GRM8: variants seen among roughly 807,000 people sequenced by gnomAD.
GRM8 encodes the protein glutamate metabotropic receptor 8.
A neutral mutation model predicts 87.2 loss-of-function variants in GRM8; 47 were observed. That is an observed-to-expected ratio of 0.54 (90% confidence interval 0.43 to 0.69). The LOEUF (loss-of-function observed/expected upper bound fraction) is 0.69. Among genes scored for constraint, GRM8 ranks in the 30% least tolerant of loss-of-function variants. The pLI is 0.00. For missense variants in GRM8, 1,019 were observed against 1,139.2 expected (o/e 0.89, Z 1.52); for synonymous variants, 396 against 404.5 (o/e 0.98, Z 0.25).
intron 10 of GRM8, chr7:126,445,365 A>G (rs1331584144): frequency 6.6e-6 from 1 of 152,086 alleles, no homozygotes; most frequent in Non-Finnish European, 1.5e-5. Flanking sequence ...TTTCATAGAT[A>G]CCAAGATGGG....
chr7:127,194,343 C>T (rs1356713028), intron 2 of GRM8, among the ~76,000 whole-genome samples: 1 of 152,154 alleles, frequency 6.6e-6, no homozygotes, highest in Admixed American at 6.5e-5. Context: ...AGCTAATACA[C>T]AGGTGAGAGT....
At chr7:127,101,934 G>A (rs2133036781) in intron 3 of GRM8, among the ~76,000 whole-genome samples, 1 of 152,312 alleles carries the variant, frequency 6.6e-6, no homozygotes, top group East Asian at 1.9e-4. Flanking sequence ...AATGTTAATA[G>A]TGATATGGAC....
At chr7:126,556,520 G>A (rs1858952) in intron 8 of GRM8, among the ~76,000 whole-genome samples, 3 of 151,658 alleles carry the variant, frequency 2.0e-5, no homozygotes, top group East Asian at 1.9e-4. Flanking sequence ...GGTGGCAGAC[G>A]CCTGTAATCA....
chr7:126,448,267 A>G (rs1802239730), intron 9 of GRM8, among the ~76,000 whole-genome samples: 1 of 151,912 alleles, frequency 6.6e-6, no homozygotes. Context: ...AAACAAATCC[A>G]ACGACGAAAC....
At chr7:126,915,394 C>T in intron 3 of GRM8, among the ~76,000 whole-genome samples, 1 of 152,218 alleles carries the variant, frequency 6.6e-6, no homozygotes, top group Non-Finnish European at 1.5e-5. Flanking sequence ...AGCCCCCACA[C>T]AGAAACAGTG....
chr7:127,073,133 C>A (rs977369091), intron 3 of GRM8, among the ~76,000 whole-genome samples: 18 of 152,278 alleles, frequency 1.2e-4, no homozygotes, highest in Non-Finnish European at 2.1e-4. Flanking sequence ...ACAAACACCA[C>A]CCGATTCCAG....
At chr7:127,142,914 T>TA (rs1348744784) in intron 2 of GRM8, among the ~76,000 whole-genome samples, 7 of 152,042 alleles carry the variant, frequency 4.6e-5, no homozygotes, top group Admixed American at 2.0e-4. Context: ...AGTCATGATT[T>TA]AAAAAAAATA....
chr7:126,841,867 C>T (rs1328825927), intron 6 of GRM8, among the ~76,000 whole-genome samples: 5 of 151,934 alleles, frequency 3.3e-5, no homozygotes, highest in Admixed American at 6.6e-5. Flanking sequence ...CTCCTGACCT[C>T]GTTATCTGCC....
rs909781198 is a variant in GRM8 at position 126,717,065 on chromosome 7, C to A, written c.1357+52800G>T. Among the ~76,000 whole-genome samples, 8 of 152,160 alleles carry A rather than the reference C, an allele frequency of 5.3e-5. No homozygotes were observed. In the East Asian group the frequency reaches 1.5e-3, roughly 29 times the overall value. ...AGTAAGATCATTTGCCTGAGAGATG[C>A]AGCAGATTATGAAAATGACTTGGGA... On this transcript the variant is annotated intron_variant, in intron 7 of 10. Transcript: ENST00000339582.
chr7:127,070,570 T>C (rs1168810694), intron 3 of GRM8, among the ~76,000 whole-genome samples: 1 of 152,002 alleles, frequency 6.6e-6, no homozygotes, highest in Non-Finnish European at 1.5e-5. Context: ...CCATAAACCA[T>C]GATGTGTCCC....
intron 1 of GRM8, among the ~76,000 whole-genome samples, chr7:127,249,436 T>A (rs1298445823): frequency 6.6e-6 from 1 of 152,148 alleles, no homozygotes; most frequent in African/African-American, 2.4e-5. Flanking sequence ...CAAAGAAATA[T>A]CACCATTAAT....
chr7:126,878,790 G>T (rs1424088281), intron 6 of GRM8, among the ~76,000 whole-genome samples: 3 of 151,692 alleles, frequency 2.0e-5, no homozygotes, highest in Non-Finnish European at 2.9e-5. Flanking sequence ...GCCTCCCAAA[G>T]TGCTGGGATT....
At chr7:127,002,554 A>G (rs183590068) in intron 3 of GRM8, among the ~76,000 whole-genome samples, 9 of 151,792 alleles carry the variant, frequency 5.9e-5, no homozygotes, top group Non-Finnish European at 8.9e-5. Flanking sequence ...GAATTTAGGA[A>G]ACCTCTGCCA....
intron 2 of GRM8, among the ~76,000 whole-genome samples, chr7:127,132,227 T>C (rs17867772): frequency 5.1e-4 from 77 of 152,348 alleles, no homozygotes; most frequent in Admixed American, 1.7e-3. Context: ...GGGACACCCT[T>C]GTTCACTTTC....
intron 2 of GRM8, among the ~76,000 whole-genome samples, chr7:127,124,211 T>C (rs535080614): frequency 2.5e-3 from 377 of 152,274 alleles, no homozygotes; most frequent in Non-Finnish European, 4.0e-3. Flanking sequence ...CTAAGTACCC[T>C]CTCCATTGTC....
chr7:126,646,847 T>TA (rs1356635037), intron 7 of GRM8, among the ~76,000 whole-genome samples: 1 of 152,212 alleles, frequency 6.6e-6, no homozygotes, highest in Non-Finnish European at 1.5e-5. Flanking sequence ...CTCTTGGTGT[T>TA]ATTCTTCTGT....
chr7:126,590,308 A>G (rs1250387083), intron 8 of GRM8, among the ~76,000 whole-genome samples: 1 of 151,984 alleles, frequency 6.6e-6, no homozygotes, highest in East Asian at 1.9e-4. Flanking sequence ...GGTTTTTGAA[A>G]TAATCCAATT....
At chr7:126,808,174 CTT>C (rs1792956826) in intron 6 of GRM8, among the ~76,000 whole-genome samples, 1 of 152,284 alleles carries the variant, frequency 6.6e-6, no homozygotes, top group East Asian at 1.9e-4. Context: ...GAAGTAGACT[CTT>C]TTACCTGAGT....
intron 7 of GRM8, among the ~76,000 whole-genome samples, chr7:126,707,083 C>T (rs367818954): frequency 1.6e-4 from 25 of 151,978 alleles, no homozygotes; most frequent in East Asian, 9.7e-4. Flanking sequence ...GTGGGCAGAT[C>T]GCTTGAGTCC....
Sources: allele counts gnomAD v4.1 joint callset (sites outside exome capture counted in the v4.1 genomes callset), GRCh38; gene constraint gnomAD v4.1.1; transcripts MANE v1.5; gene names NCBI Gene and HGNC (gene_info 2026-07-23, HGNC 2026-07-21).